Variants in CPVL observed in about 807,000 individuals in gnomAD.
CPVL encodes probable serine carboxypeptidase CPVL.
Under a neutral mutation model 63.7 loss-of-function variants are expected in CPVL, and 51 were observed. That is an observed-to-expected ratio of 0.80 (90% confidence interval 0.64 to 1.01). The LOEUF is 1.01. Ranked by LOEUF, CPVL falls within the 50% of genes least tolerant of loss-of-function variation. The pLI, the probability that CPVL is intolerant of heterozygous loss-of-function variation, is 0.00. For missense variants in CPVL, 530 were observed against 573.1 expected (o/e 0.92, Z 0.77); for synonymous variants, 195 against 206.0 (o/e 0.95, Z 0.46).
intron 3 of CPVL, among the ~76,000 whole-genome samples, chr7:29,105,445 T>C (rs1787628905): frequency 6.6e-6 from 1 of 152,144 alleles, no homozygotes; most frequent in African/African-American, 2.4e-5. Context: ...GAAGCACAGA[T>C]GAGGGAATCC....
exon 1 of CPVL, chr7:29,195,164 C>T (rs1584688648): frequency 1.8e-6 from 1 of 565,324 alleles, no homozygotes; most frequent in Non-Finnish European, 2.9e-6. Context: ...GTGCCCAGAG[C>T]ACCTCCGCGC....
At chr7:29,091,210 C>T (rs1472710648) in intron 6 of CPVL, among the ~76,000 whole-genome samples, 1 of 152,092 alleles carries the variant, frequency 6.6e-6, no homozygotes, top group Non-Finnish European at 1.5e-5. Flanking sequence ...TGTCAGCAGT[C>T]GACATCCCCA....
chr7:29,091,515 C>T (rs1253509637), intron 6 of CPVL, among the ~76,000 whole-genome samples: 1 of 152,048 alleles, frequency 6.6e-6, no homozygotes, highest in African/African-American at 2.4e-5. Context: ...CCGTCCGTTA[C>T]GTCTGTGGAG....
chr7:29,190,594 G>C (rs1195209310), intron 1 of CPVL, among the ~76,000 whole-genome samples: 1 of 152,216 alleles, frequency 6.6e-6, no homozygotes, highest in Non-Finnish European at 1.5e-5. Flanking sequence ...GCCGGTGAAG[G>C]AGGGTGGGGT....
chr7:29,059,496 C>T (rs1189821416), intron 11 of CPVL, among the ~76,000 whole-genome samples: 1 of 152,146 alleles, frequency 6.6e-6, no homozygotes, highest in African/African-American at 2.4e-5. Context: ...AAAGATTCTA[C>T]AGCATGATCA....
intron 1 of CPVL, among the ~76,000 whole-genome samples, chr7:29,127,228 G>A (rs978631951): frequency 6.6e-6 from 1 of 152,174 alleles, no homozygotes; most frequent in Admixed American, 6.5e-5. Context: ...GCATGTGGTG[G>A]AAAGTAAAAT....
intron 5 of CPVL, among the ~76,000 whole-genome samples, chr7:29,164,800 AAC>A (rs1554350980): frequency 1.3e-5 from 2 of 150,536 alleles, no homozygotes; most frequent in Non-Finnish European, 3.0e-5. Flanking sequence ...AAAAAAAAAA[AAC>A]AAAGATTATT....
At chr7:29,184,177 A>G in intron 4 of CPVL, among the ~76,000 whole-genome samples, 2 of 151,486 alleles carry the variant, frequency 1.3e-5, no homozygotes, top group Admixed American at 1.3e-4. Context: ...AGATAGATAG[A>G]TAGATAGATA....
chr7:29,053,202 T>C (rs1286834468), intron 11 of CPVL, among the ~76,000 whole-genome samples: 6 of 152,142 alleles, frequency 3.9e-5, no homozygotes, highest in Admixed American at 3.9e-4. Flanking sequence ...AAATGTTAAA[T>C]ATAGAGTTAA....
chr7:29,039,208 G>C (rs1193598236), intron 11 of CPVL, among the ~76,000 whole-genome samples: 1 of 152,162 alleles, frequency 6.6e-6, no homozygotes. Flanking sequence ...TCAGGTTCTA[G>C]ATGCACATAA....
At chr7:29,164,725 G>C (rs1477365156) in intron 5 of CPVL, among the ~76,000 whole-genome samples, 2 of 137,888 alleles carry the variant, frequency 1.5e-5, no homozygotes, top group Non-Finnish European at 3.1e-5. Flanking sequence ...AGGTTGCAGT[G>C]AGCCGAGATC....
intron 4 of CPVL, among the ~76,000 whole-genome samples, 181 bp from the exon 5 acceptor site, chr7:29,095,323 CTCCTT>C (rs1361798744): frequency 3.3e-5 from 5 of 152,166 alleles, no homozygotes; most frequent in Non-Finnish European, 5.9e-5. Context: ...CCCCACTCCT[CTCCTT>C]TACTTTCCCC....
At chr7:29,068,540 A>C (rs1438511036) in intron 9 of CPVL, among the ~76,000 whole-genome samples, 1 of 152,080 alleles carries the variant, frequency 6.6e-6, no homozygotes, top group Admixed American at 6.5e-5. Context: ...GAACCAGCCA[A>C]AGTTCTGCTC....
rs188868667 is a variant in CPVL, at chr7:29,047,369, C to T, written c.1138-16610G>A. The stretch of plus-strand genomic sequence containing the variant: ...CATCAAAACTTTGGGAAACATTGGA[C>T]ACACTTATAGAAATGCAAAATACTC... On this transcript the variant is annotated intron_variant, in intron 11 of 12. Coordinates refer to ENST00000265394, the MANE Select transcript of CPVL (RefSeq NM_031311.5). Among the ~76,000 whole-genome samples the T allele has an allele frequency of 5.3e-5, 8 of 152,242 alleles. No individual in the cohort carries two copies. In the East Asian group the frequency reaches 1.5e-3, roughly 29 times the overall value.
chr7:29,051,605 A>G (rs1279861655), intron 11 of CPVL, among the ~76,000 whole-genome samples: 1 of 152,156 alleles, frequency 6.6e-6, no homozygotes, highest in African/African-American at 2.4e-5. Context: ...AGTAGATGTT[A>G]GCGTGGATGC....
chr7:29,164,730 G>A (rs1160542278), intron 5 of CPVL, among the ~76,000 whole-genome samples: 4 of 138,788 alleles, frequency 2.9e-5, no homozygotes, highest in South Asian at 2.3e-4. Flanking sequence ...GCAGTGAGCC[G>A]AGATCTCACC....
At chr7:29,185,381 G>A (rs1798585791) in intron 3 of CPVL, 1 of 152,138 alleles carries the variant, frequency 6.6e-6, no homozygotes, top group South Asian at 2.1e-4. Flanking sequence ...TCATGCTAAT[G>A]TTAGATTTTA....
chr7:29,118,702 T>C (rs1789033390), intron 2 of CPVL, among the ~76,000 whole-genome samples: 1 of 152,234 alleles, frequency 6.6e-6, no homozygotes, highest in Non-Finnish European at 1.5e-5. Context: ...GTGAGAACAC[T>C]TTGAACGAAT....
At chr7:29,010,148 C>T (rs1254885158) in intron 12 of CPVL, 3 of 151,950 alleles carry the variant, frequency 2.0e-5, no homozygotes, top group East Asian at 1.9e-4. Context: ...ATGACAGAGC[C>T]GGTGCCAGAA....
Sources: gnomAD v4.1 joint callset for allele counts (sites outside exome capture counted in the v4.1 genomes callset) on GRCh38, gnomAD v4.1.1 for gene constraint, MANE v1.5 for transcripts, NCBI Gene and HGNC (gene_info 2026-07-23, HGNC 2026-07-21) for gene names.